The following DGKB variants were observed in gnomAD, a reference collection of about 807,000 sequenced individuals.
DGKB encodes 90 kDa diacylglycerol kinase.
DGKB carries 67 observed loss-of-function variants against 114.3 expected under a neutral mutation model. That is an observed-to-expected ratio of 0.59 (90% confidence interval 0.48 to 0.72). DGKB has a LOEUF of 0.72. Among genes scored for constraint, DGKB ranks in the 30% least tolerant of loss-of-function variants. DGKB has a pLI of 0.00. For synonymous variants in DGKB, 398 were observed against 323.1 expected, an observed-to-expected ratio of 1.23 and a Z score of -2.49; for missense variants, 907 against 975.2, an observed-to-expected ratio of 0.93 and a Z score of 0.93.
intron 21 of DGKB, among the ~76,000 whole-genome samples, chr7:14,459,406 A>G (rs1031885771): frequency 5.3e-5 from 8 of 152,200 alleles, no homozygotes; most frequent in Admixed American, 3.3e-4. Context: ...AGAAGAACAT[A>G]AATGACCTGA....
At chr7:14,890,938 T>G (rs888698516) in intron 1 of DGKB, among the ~76,000 whole-genome samples, 2 of 151,146 alleles carry the variant, frequency 1.3e-5, no homozygotes, top group Non-Finnish European at 3.0e-5. Flanking sequence ...CTCCAATGAC[T>G]ACACTTAGTC....
At chr7:14,494,795 A>G (rs1206517268) in intron 20 of DGKB, among the ~76,000 whole-genome samples, 1 of 151,858 alleles carries the variant, frequency 6.6e-6, no homozygotes, top group Non-Finnish European at 1.5e-5. Flanking sequence ...CATTTTATGT[A>G]TTTCAAATTG....
intron 12 of DGKB, among the ~76,000 whole-genome samples, chr7:14,674,433 ATT>A (rs1164130724): frequency 6.6e-6 from 1 of 152,118 alleles, no homozygotes; most frequent in Non-Finnish European, 1.5e-5. Context: ...TTTAAAATGT[ATT>A]ATTAATTTAT....
intron 23 of DGKB, among the ~76,000 whole-genome samples, chr7:14,216,077 C>T (rs995373382): frequency 1.3e-5 from 2 of 151,788 alleles, no homozygotes; most frequent in Admixed American, 6.6e-5. Context: ...AGTTTATGGC[C>T]TAATGAGTAT....
intron 2 of DGKB, among the ~76,000 whole-genome samples, chr7:14,816,106 A>G (rs937554186): frequency 1.3e-5 from 2 of 152,112 alleles, no homozygotes; most frequent in East Asian, 1.9e-4. Context: ...CGAGGCGGGC[A>G]GATCACTTGA....
intron 20 of DGKB, among the ~76,000 whole-genome samples, chr7:14,528,068 G>A (rs145338453): frequency 6.0e-4 from 92 of 152,184 alleles, no homozygotes; most frequent in African/African-American, 2.1e-3. Flanking sequence ...ATAACTTGCT[G>A]AAAAGTACAA....
intron 21 of DGKB, among the ~76,000 whole-genome samples, chr7:14,466,871 G>A (rs1780559338): frequency 6.6e-6 from 1 of 152,004 alleles, no homozygotes; most frequent in African/African-American, 2.4e-5. Context: ...GAGGCTAGAT[G>A]GATTCAGCCT....
intron 2 of DGKB, among the ~76,000 whole-genome samples, chr7:14,799,702 T>G (rs1175132649): frequency 6.6e-6 from 1 of 152,130 alleles, no homozygotes; most frequent in African/African-American, 2.4e-5. Flanking sequence ...GCTCATTTAA[T>G]GAATGACCTG....
intron 20 of DGKB, among the ~76,000 whole-genome samples, chr7:14,532,862 A>C (rs924653280): frequency 3.3e-5 from 5 of 151,786 alleles, no homozygotes; most frequent in Admixed American, 6.6e-5. Flanking sequence ...CCAAGGAAAT[A>C]AAATATATTA....
intron 5 of DGKB, among the ~76,000 whole-genome samples, chr7:14,720,593 T>G (rs2128356669): frequency 6.6e-6 from 1 of 152,026 alleles, no homozygotes; most frequent in East Asian, 1.9e-4. Flanking sequence ...TCCATCCACG[T>G]CGGCCTCCCA....
At chr7:14,542,974 AGG>A (rs1793707940) in intron 20 of DGKB, among the ~76,000 whole-genome samples, 1 of 152,200 alleles carries the variant, frequency 6.6e-6, no homozygotes, top group Admixed American at 6.5e-5. Context: ...TTTGAGATAA[AGG>A]GAAAGATATG....
At chr7:14,504,785 T>A (rs1329917697) in intron 20 of DGKB, among the ~76,000 whole-genome samples, 1 of 152,178 alleles carries the variant, frequency 6.6e-6, no homozygotes, top group Admixed American at 6.6e-5. Flanking sequence ...TAAATATTCT[T>A]ATAGGTATTT....
At chr7:14,400,672 CT>C (rs1563104075) in intron 21 of DGKB, among the ~76,000 whole-genome samples, 1 of 150,538 alleles carries the variant, frequency 6.6e-6, no homozygotes, top group African/African-American at 2.4e-5. Flanking sequence ...CAGCTATTTC[CT>C]TTGATTTGAG....
chr7:14,395,062 A>T (rs955173266), intron 21 of DGKB, among the ~76,000 whole-genome samples: 1 of 152,112 alleles, frequency 6.6e-6, no homozygotes, highest in Non-Finnish European at 1.5e-5. Flanking sequence ...CCTAATCAAC[A>T]TATTATCGAT....
At chr7:14,626,087 T>C (rs1808527267) in intron 14 of DGKB, among the ~76,000 whole-genome samples, 1 of 152,106 alleles carries the variant, frequency 6.6e-6, no homozygotes, top group African/African-American at 2.4e-5. Context: ...ACTTTAAATA[T>C]GTGCTCTAAA....
intron 23 of DGKB, among the ~76,000 whole-genome samples, chr7:14,285,980 T>C: frequency 6.6e-6 from 1 of 152,128 alleles, no homozygotes; most frequent in East Asian, 1.9e-4. Flanking sequence ...AATAGATCAG[T>C]ATAGGTTTTT....
chr7:14,425,429 T>A (rs1163482073), intron 21 of DGKB, among the ~76,000 whole-genome samples: 1 of 152,108 alleles, frequency 6.6e-6, no homozygotes, highest in East Asian at 1.9e-4. Context: ...TCTAATTGAA[T>A]TTACTAATTG....
chr7:14,575,556 G>T (rs1423881234), intron 19 of DGKB, among the ~76,000 whole-genome samples: 2 of 152,078 alleles, frequency 1.3e-5, no homozygotes, highest in Non-Finnish European at 2.9e-5. Flanking sequence ...TTCTTGTGAA[G>T]ATTAAGCAAG....
At chr7:14,629,083 T>A (rs1809187995) in intron 14 of DGKB, among the ~76,000 whole-genome samples, 1 of 152,040 alleles carries the variant, frequency 6.6e-6, no homozygotes, top group Non-Finnish European at 1.5e-5. Context: ...ATGCCTATAT[T>A]TGCTTGATTG....
Sources: gnomAD v4.1 joint callset for allele counts (sites outside exome capture counted in the v4.1 genomes callset) on GRCh38, gnomAD v4.1.1 for gene constraint, MANE v1.5 for transcripts, NCBI Gene and HGNC (gene_info 2026-07-23, HGNC 2026-07-21) for gene names.